The following CROCC2 variants were observed in gnomAD, a reference collection of about 807,000 sequenced individuals.
The protein encoded by CROCC2 is ciliary rootlet coiled-coil protein 2.
Under a neutral mutation model 177.6 loss-of-function variants are expected in CROCC2, and 163 were observed. The observed-to-expected ratio is 0.92, with a 90% CI of 0.81 to 1.05. The LOEUF (loss-of-function observed/expected upper bound fraction) is 1.05. Ranked by LOEUF, CROCC2 falls within the 50% of genes least tolerant of loss-of-function variation. The pLI is 0.00. For synonymous variants in CROCC2, 904 were observed against 787.3 expected (o/e 1.15, Z -2.48); for missense variants, 1,929 against 1,797.8 (o/e 1.07, Z -1.32).
intron 31 of CROCC2, 46 bp downstream of exon 31, chr2:240,991,324 C>A: frequency 1.1e-5 from 16 of 1,508,114 alleles, no homozygotes; most frequent in Non-Finnish European, 1.4e-5. Flanking sequence ...GCCTTCAGCC[C>A]TGACTGGCCA....
chr2:240,933,036 G>T lies in CROCC2; in HGVS notation c.1252-95G>T. 2.0e-6 allele frequency: 3 copies of T among 1,515,824 alleles called. No homozygotes were observed. In the South Asian group the frequency reaches 3.6e-5, roughly 18 times the overall value. 93.9% of individuals were successfully genotyped at this position (1,515,824 alleles called of 1,614,324 possible). A position where few individuals can be genotyped will look rare whatever the true frequency, so the allele number is the denominator to read the frequency against. ...CTCCAGGGAGGGGCCCCAGTGTCGG[G>T]GGTGTCCTTTCTGGGGAGTCGCAAG... On this transcript the variant is annotated intron_variant, in intron 9 of 31. Coordinates refer to ENST00000690015, the MANE Select transcript of CROCC2 (RefSeq NM_001351305.2).
chr2:240,978,401 T>G lies in CROCC2; in HGVS notation c.4402-4479T>G, dbSNP rs375678250. Among the ~76,000 whole-genome samples, 8 of 32,396 alleles carry G rather than the reference T, an allele frequency of 2.5e-4. 1 individual carries two copies. Among genetic ancestry groups the G allele is most frequent in the South Asian group, 1.7e-3 (1 of 598 alleles). The allele number at this position is 32,396 out of a possible 152,430, so 21.3% of individuals were successfully genotyped here. ...GGAGCCCAGACTCATCCCTGCTCAG[T>G]CTCTGGGGTAGGAGCCTCAGGAGCC... is the stretch of plus-strand genomic sequence containing the variant. On this transcript the variant is annotated intron_variant, in intron 27 of 31. Coordinates refer to ENST00000690015, the MANE Select transcript of CROCC2 (RefSeq NM_001351305.2).
intron 14 of CROCC2, among the ~76,000 whole-genome samples, chr2:240,943,470 T>G (rs907813067): frequency 1.3e-5 from 2 of 151,532 alleles, no homozygotes; most frequent in Middle Eastern, 3.4e-3. Flanking sequence ...GTTCCCAGTC[T>G]TTTAGCTAAA....
At chr2:240,939,375 T>A (rs2059484954) in intron 14 of CROCC2, among the ~76,000 whole-genome samples, 2 of 152,144 alleles carry the variant, frequency 1.3e-5, no homozygotes, top group African/African-American at 4.8e-5. Context: ...AGTATCCATT[T>A]TATATATTTT....
chr2:240,932,548 G>A (rs2106461028), intron 8 of CROCC2, 134 bp downstream of exon 8: 1 of 689,200 alleles, frequency 1.5e-6, no homozygotes, highest in East Asian at 2.7e-5. Context: ...AGTGCACTTT[G>A]AGGCACGTCA....
intron 1 of CROCC2, among the ~76,000 whole-genome samples, chr2:240,914,977 C>G (rs1371725608): frequency 6.6e-6 from 1 of 152,250 alleles, no homozygotes; most frequent in Non-Finnish European, 1.5e-5. Flanking sequence ...AAGAGCGTGG[C>G]CTCCAGATAA....
At chr2:240,937,161 C>T (rs1366338948) in intron 14 of CROCC2, among the ~76,000 whole-genome samples, 2 of 152,102 alleles carry the variant, frequency 1.3e-5, no homozygotes, top group African/African-American at 2.4e-5. Context: ...CCTCTGCCTT[C>T]TCGACATTTG....
intron 1 of CROCC2, among the ~76,000 whole-genome samples, chr2:240,914,946 C>T (rs527748813): frequency 1.3e-5 from 2 of 152,362 alleles, no homozygotes; most frequent in South Asian, 2.1e-4. Flanking sequence ...ATGCCCCAGG[C>T]GCAGGGATGG....
At chr2:240,941,774 G>A (rs747240603) in intron 14 of CROCC2, among the ~76,000 whole-genome samples, 39 of 152,198 alleles carry the variant, frequency 2.6e-4, no homozygotes, top group Non-Finnish European at 5.0e-4. Context: ...CCCTTGCTAT[G>A]TTTCGAATGT....
intron 14 of CROCC2, among the ~76,000 whole-genome samples, chr2:240,939,465 G>A (rs138872838): frequency 0.014 from 1,925 of 140,536 alleles, 18 homozygotes; most frequent in Non-Finnish European, 0.018. Context: ...TCTTTCCTTG[G>A]AATCATCAGA....
intron 14 of CROCC2, among the ~76,000 whole-genome samples, chr2:240,944,608 CT>C (rs1487396070): frequency 6.6e-6 from 1 of 150,590 alleles, no homozygotes; most frequent in Non-Finnish European, 1.5e-5. Flanking sequence ...TTTTTTTTTA[CT>C]TTTGGTTATT....
intron 28 of CROCC2, chr2:240,983,638 G>A: frequency 7.0e-6 from 9 of 1,282,300 alleles, no homozygotes; most frequent in Non-Finnish European, 9.1e-6. Flanking sequence ...GGTCCGCAGG[G>A]GCGCGGCTGG....
In CROCC2 at chr2:240,918,754, C is replaced by T. The variant is rs2059335748; in HGVS notation, c.107C>T (p.Thr36Ile). The T allele has an allele frequency of 6.9e-6, 4 of 579,302 alleles. No individual in the cohort carries two copies. The highest frequency in any genetic ancestry group is 1.3e-5 in the Non-Finnish European group (4 of 319,460). 35.9% of individuals were successfully genotyped at this position (579,302 alleles called of 1,614,324 possible). Residue 36 changes from threonine (T) to isoleucine (I), a missense_variant, in exon 2 of 32, where the codon ACA (threonine) becomes ATA (isoleucine). Transcript: ENST00000690015. The surrounding 1 kb of genome is among the most constrained non-coding windows in gnomAD (Gnocchi z 6.3). Reference protein sequence around the residue: ...QRLEDTILSPTASREDRALTV... With the variant: ...QRLEDTILSPIASREDRALTV... ...CTGGAGGACACCATCCTGAGTCCCA[C>T]AGCCAGCAGGGAAGACCGGGCGCTG...
Position 240,949,181 on chromosome 2 carries a change from G to T in CROCC2, c.2482+84G>T. The T allele has an allele frequency of 6.9e-7, 1 of 1,452,882 alleles. No homozygotes were observed. Among genetic ancestry groups the T allele is most frequent in the Non-Finnish European group, 9.0e-7 (1 of 1,107,018 alleles). 90.0% of individuals were successfully genotyped at this position (1,452,882 alleles called of 1,614,324 possible). ...GGAATGGAGCTCAGTGCCCACACGT[G>T]CTGCACCCCCTCTCCGGAGCCCACA... On this transcript the variant is annotated intron_variant, in intron 16 of 31. Transcript: ENST00000690015. This position sits in a 1 kb window ranked among gnomAD's most constrained non-coding sequence, Gnocchi z 4.5.
chr2:240,943,677 G>T (rs548486858), intron 14 of CROCC2, among the ~76,000 whole-genome samples: 1 of 151,668 alleles, frequency 6.6e-6, no homozygotes. Context: ...ATGGGGTTTC[G>T]CCATGTTGGC....
rs1419356710 is a variant in CROCC2, at chr2:240,933,329, A to C, written c.1450A>C (p.Lys484Gln). 23 of 1,526,634 alleles carry C rather than the reference A, an allele frequency of 1.5e-5. No individual in the cohort carries two copies. The highest frequency in any genetic ancestry group is 1.9e-5 in the Non-Finnish European group (22 of 1,139,150). The allele number at this position is 1,526,634 out of a possible 1,614,324, so 94.6% of individuals were successfully genotyped here. Reference sequence around the variant, plus strand: ...GGTGCAGCAGTGCCGGGCATCCTGCAAGCTCCTGGGGAGGTAATGGGGTGA... The same window carrying C: ...GGTGCAGCAGTGCCGGGCATCCTGCCAGCTCCTGGGGAGGTAATGGGGTGA... ...LEVQQCRASC[K>Q]LLGREKAALE... The change falls in exon 10 of 32, where the codon AAG (lysine) becomes CAG (glutamine). Residue 484 changes from lysine (K) to glutamine (Q), a missense_variant. Around this residue, in one of 3 missense-constraint regions of CROCC2, gnomAD observed 1,397 missense variants for 1,239.9 expected, o/e 1.13. Coordinates refer to ENST00000690015, the MANE Select transcript of CROCC2 (RefSeq NM_001351305.2).
intron 28 of CROCC2, chr2:240,983,280 C>A: frequency 2.0e-6 from 2 of 1,001,118 alleles, no homozygotes; most frequent in Non-Finnish European, 1.4e-6. Flanking sequence ...GTACAGTAAG[C>A]ACCCCTACAA....
chr2:240,981,372 A>C (rs1283673339), intron 27 of CROCC2: 1 of 152,288 alleles, frequency 6.6e-6, no homozygotes, highest in African/African-American at 2.4e-5. Context: ...TAGCTACTTA[A>C]GCCCTCAGAC....
At position 240,948,994 on chromosome 2, in the gene CROCC2, C is replaced by T. The variant is rs2059538227; in HGVS notation, c.2379C>T (p.Ser793=). 3.2e-6 allele frequency: 5 copies of T among 1,550,204 alleles called. No individual in the cohort carries two copies. In the East Asian group the frequency reaches 1.2e-4, roughly 38 times the overall value. ...EAADLRVERD[S]LESSLLEAQQ... ...ATCTTTGCAGGGTGGAGAGGGACTC[C>T]CTGGAGAGCAGCCTCCTTGAGGCCC... Residue 793 remains serine, a synonymous_variant, in exon 16 of 32, where the codon TCC becomes TCT. Coordinates refer to ENST00000690015, the MANE Select transcript of CROCC2 (RefSeq NM_001351305.2).
Sources: gnomAD v4.1 joint callset for allele counts (sites outside exome capture counted in the v4.1 genomes callset) on GRCh38, gnomAD v4.1.1 for gene constraint, gnomAD v4.1.1 regional missense constraint, Gnocchi (gnomAD v3.1) non-coding constraint, MANE v1.5 for transcripts, NCBI Gene and HGNC (gene_info 2026-07-23, HGNC 2026-07-21) for gene names.